Variants in DHRS7 observed in about 807,000 individuals in gnomAD.
DHRS7 encodes the protein dehydrogenase/reductase 7.
In DHRS7, 34 loss-of-function variants were observed where a neutral mutation model predicts 38.9. The observed-to-expected ratio is 0.87, with a 90% CI of 0.66 to 1.16. The LOEUF (loss-of-function observed/expected upper bound fraction) is 1.16. DHRS7 is among the 50% of genes most tolerant of loss of function. The probability of loss-of-function intolerance (pLI) is 0.00; values close to 1 mark genes in which losing one functional copy is unlikely to be tolerated. For synonymous variants in DHRS7, 158 were observed against 153.1 expected, an observed-to-expected ratio of 1.03 and a Z score of -0.24; for missense variants, 421 against 407.0, an observed-to-expected ratio of 1.03 and a Z score of -0.30.
In DHRS7 at chr14:60,153,541, T is replaced by C. The variant is rs1254042; in HGVS notation, c.394-363A>G. On this transcript the variant is annotated intron_variant, in intron 3 of 6. Transcript: ENST00000557185. This position sits in a 1 kb window ranked among gnomAD's most constrained non-coding sequence, Gnocchi z 4.4. ...GAAACCCCATCTCTACTAAAAAATATAAAAATTAGCTGGGCGTGATGGTGC... is the reference window on the plus strand; with the variant it reads ...GAAACCCCATCTCTACTAAAAAATACAAAAATTAGCTGGGCGTGATGGTGC... Among the ~76,000 whole-genome samples the C allele has an allele frequency of 0.27, 41,288 of 151,764 alleles. 7,638 individuals are homozygous for C. The highest frequency in any genetic ancestry group is 0.52 in the African/African-American group (21,453 of 41,320).
intron 1 of DHRS7, among the ~76,000 whole-genome samples, chr14:60,157,855 A>G (rs1031425487): frequency 2.0e-5 from 3 of 151,702 alleles, no homozygotes; most frequent in African/African-American, 7.2e-5. Context: ...ACACATTTAC[A>G]TATGATCAAT....
chr14:60,153,033 C>T lies in DHRS7; in HGVS notation c.539G>A (p.Arg180Lys). The change falls in exon 4 of 7, where the codon AGG becomes AAG. Residue 180 changes from arginine to lysine, a missense_variant. Arg to Lys is a conservative substitution (Grantham distance 26, BLOSUM62 2). Coordinates refer to ENST00000557185, the MANE Select transcript of DHRS7 (RefSeq NM_016029.4). The surrounding 1 kb of genome is among the most constrained non-coding windows in gnomAD (Gnocchi z 4.4). The part of the protein sequence containing the change: ...TKCVLPHMIE[R>K]KQGKIVTVNS... Reference sequence around the variant, plus strand: ...CACAGTAACAATCTTTCCTTGCTTCCTCTCGATCATGTGAGGCAGAACACA... The same window carrying T: ...CACAGTAACAATCTTTCCTTGCTTCTTCTCGATCATGTGAGGCAGAACACA... 1 of 1,614,142 alleles carries T rather than the reference C, an allele frequency of 6.2e-7. No homozygotes were observed. Among genetic ancestry groups the T allele is most frequent in the Non-Finnish European group, 8.5e-7 (1 of 1,180,028 alleles).
intron 1 of DHRS7, among the ~76,000 whole-genome samples, chr14:60,157,262 T>A (rs769157365): frequency 2.0e-5 from 3 of 152,028 alleles, no homozygotes; most frequent in Non-Finnish European, 2.9e-5. Flanking sequence ...GTGCCTTAAT[T>A]TTCCACAACT....
chr14:60,153,842 C>T lies in DHRS7; in HGVS notation c.393+117G>A, dbSNP rs1896600878. 6.3e-6 allele frequency: 5 copies of T among 788,066 alleles called. No individual in the cohort carries two copies. The highest frequency in any genetic ancestry group is 1.1e-5 in the Non-Finnish European group (5 of 469,860). 48.8% of individuals were successfully genotyped at this position (788,066 alleles called of 1,614,324 possible). A position where few individuals can be genotyped will look rare whatever the true frequency, so the allele number is the denominator to read the frequency against. On this transcript the variant is annotated intron_variant, in intron 3 of 6. Transcript: ENST00000557185. The surrounding 1 kb of genome is among the most constrained non-coding windows in gnomAD (Gnocchi z 4.4). ...GATTAAGGGGCCCAACTCATGGGCCCGATCTCACTGCATGGACCCCACTTG... is the reference window on the plus strand; with the variant it reads ...GATTAAGGGGCCCAACTCATGGGCCTGATCTCACTGCATGGACCCCACTTG...
intron 2 of DHRS7, among the ~76,000 whole-genome samples, chr14:60,154,607 A>C (rs975594113): frequency 1.3e-5 from 2 of 152,220 alleles, no homozygotes; most frequent in Non-Finnish European, 2.9e-5. Flanking sequence ...CTTTCTGTTC[A>C]TCAAAAGAAC....
rs1361960349 is a variant in DHRS7 at position 60,153,984 on chromosome 14, T to G, written c.368A>C (p.Lys123Thr). 5.6e-6 allele frequency: 9 copies of G among 1,614,072 alleles called. No individual in the cohort carries two copies. The highest frequency in any genetic ancestry group is 7.6e-6 in the Non-Finnish European group (9 of 1,179,960). ...TDTGSHEAATKAVLQEFGRID... is the reference protein window; with the variant it reads ...TDTGSHEAATTAVLQEFGRID... ...TCTACCAAACTCCTGGAGAACAGCT[T>G]TGGTAGCCGCTTCATGGGAACCAGT... Residue 123 changes from lysine (K) to threonine (T), a missense_variant, in exon 3 of 7, where the codon AAA becomes ACA. Lys to Thr is a moderately conservative substitution (Grantham distance 78). Coordinates refer to ENST00000557185, the MANE Select transcript of DHRS7 (RefSeq NM_016029.4). The surrounding 1 kb of genome is among the most constrained non-coding windows in gnomAD (Gnocchi z 4.4).
intron 1 of DHRS7, among the ~76,000 whole-genome samples, chr14:60,163,128 C>A (rs886956803): frequency 6.6e-6 from 1 of 151,666 alleles, no homozygotes; most frequent in African/African-American, 2.4e-5. Flanking sequence ...CAAGATCATA[C>A]CACTGCACTC....
At chr14:60,163,833 A>G (rs1323928571) in intron 1 of DHRS7, among the ~76,000 whole-genome samples, 3 of 152,220 alleles carry the variant, frequency 2.0e-5, no homozygotes, top group African/African-American at 4.8e-5. Context: ...AGTGAACACA[A>G]AAGCACTAAA....
rs1896352019 is a variant in DHRS7, at chr14:60,144,670, T to C, written c.*296A>G. ...TTACCAAATCTGTGGTATTTTGTTA[T>C]AGCAGCACAAATGGACTAAGACAAA... On this transcript the variant is annotated 3_prime_UTR_variant, in exon 7 of 7. Coordinates refer to ENST00000557185, the MANE Select transcript of DHRS7 (RefSeq NM_016029.4). The C allele has an allele frequency of 7.7e-6, 2 of 261,202 alleles. No individual in the cohort carries two copies. The highest frequency in any genetic ancestry group is 6.2e-5 in the South Asian group (1 of 16,018). 16.2% of individuals were successfully genotyped at this position (261,202 alleles called of 1,614,324 possible).
At position 60,146,830 on chromosome 14, in the gene DHRS7, C is replaced by T. The variant is rs1896418131; in HGVS notation, c.973-1817G>A. The T allele has an allele frequency of 6.6e-6, 1 of 152,080 alleles. No individual in the cohort carries two copies. The highest frequency in any genetic ancestry group is 2.1e-4 in the South Asian group (1 of 4,824). 9.4% of individuals were successfully genotyped at this position (152,080 alleles called of 1,614,324 possible). The stretch of plus-strand genomic sequence containing the variant: ...TAAGCAAGATACAGAAAAACAAGTA[C>T]TATGTGATTTCACTTCTGTGGAATC... On this transcript the variant is annotated intron_variant, in intron 6 of 6. Transcript: ENST00000557185. This position sits in a 1 kb window ranked among gnomAD's most constrained non-coding sequence, Gnocchi z 4.9.
In DHRS7 at chr14:60,165,209, A is replaced by AGC. The variant is rs1896843763; in HGVS notation, c.99_100dup (p.Leu34ArgfsTer16). 6.2e-7 allele frequency: 1 copy of AGC among 1,612,750 alleles called. No individual in the cohort carries two copies. Among genetic ancestry groups the AGC allele is most frequent in the Non-Finnish European group, 8.5e-7 (1 of 1,179,810 alleles). On this transcript the variant is annotated frameshift_variant, in exon 1 of 7. Transcript: ENST00000557185. LOFTEE classifies it high-confidence loss of function. This position sits in a 1 kb window ranked among gnomAD's most constrained non-coding sequence, Gnocchi z 4.6. ...TCGTCCCTGCCACTCGGCCCATAGT[A>AGC]GCGTCAGGTCGCCGTCAGCCCTCAG... is the stretch of plus-strand genomic sequence containing the variant.
At position 60,145,052 on chromosome 14, in the gene DHRS7, C is replaced by G. The variant is rs184172859; in HGVS notation, c.973-39G>C. 106 of 1,369,422 alleles carry G rather than the reference C, an allele frequency of 7.7e-5. No individual in the cohort carries two copies. In the East Asian group the frequency reaches 2.4e-3, roughly 31 times the overall value. 84.8% of individuals were successfully genotyped at this position (1,369,422 alleles called of 1,614,324 possible). ...ACAGAAACATGGATCAGTACCTACTCCTATTTACTCCAGTTTTTAACATTT... is the reference window on the plus strand; with the variant it reads ...ACAGAAACATGGATCAGTACCTACTGCTATTTACTCCAGTTTTTAACATTT... On this transcript the variant is annotated intron_variant, in intron 6 of 6. Transcript: ENST00000557185. This position sits in a 1 kb window ranked among gnomAD's most constrained non-coding sequence, Gnocchi z 4.0.
At chr14:60,160,870 C>T (rs1427113080) in intron 1 of DHRS7, among the ~76,000 whole-genome samples, 2 of 152,152 alleles carry the variant, frequency 1.3e-5, no homozygotes, top group Non-Finnish European at 2.9e-5. Context: ...GGATTACAGG[C>T]GTGAGCTACC....
chr14:60,155,484 C>A (rs894119249), intron 2 of DHRS7, among the ~76,000 whole-genome samples: 1 of 152,086 alleles, frequency 6.6e-6, no homozygotes, highest in African/African-American at 2.4e-5. Context: ...CACCAAAATT[C>A]AAACAAAAAT....
At chr14:60,167,853 C>T (rs1896887003), upstream of DHRS7, among the ~76,000 whole-genome samples, 1 of 152,180 alleles carries the variant, frequency 6.6e-6, no homozygotes, top group Non-Finnish European at 1.5e-5. Context: ...GCCAGGGTGT[C>T]ATCAGAGTGC....
chr14:60,148,739 G>GT lies in DHRS7; in HGVS notation c.972+613dup. Among the ~76,000 whole-genome samples, 3 of 152,206 alleles carry GT rather than the reference G, an allele frequency of 2.0e-5. No individual in the cohort carries two copies. The Middle Eastern group carries it at 0.01, about 518-fold the overall frequency. On this transcript the variant is annotated intron_variant, in intron 6 of 6. Transcript: ENST00000557185. The surrounding 1 kb of genome is among the most constrained non-coding windows in gnomAD (Gnocchi z 4.8). ...GGAGGTGACATGGGAGTTGAGACTGGTAGGATGGGTAGGAGTTGGTGGGGA... is the reference window on the plus strand; with the variant it reads ...GGAGGTGACATGGGAGTTGAGACTGGTTAGGATGGGTAGGAGTTGGTGGGGA...
At chr14:60,156,195 A>G in intron 1 of DHRS7, 43 bp from the exon 2 acceptor site, 3 of 1,444,964 alleles carry the variant, frequency 2.1e-6, no homozygotes, top group Middle Eastern at 1.8e-4. Context: ...TAAGCAATGA[A>G]TTACGCTCAT....
At chr14:60,167,534 G>GCAGCTAAGGCCCATTCAGGT (rs1896883226), upstream of DHRS7, among the ~76,000 whole-genome samples, 2 of 152,190 alleles carry the variant, frequency 1.3e-5, no homozygotes, top group Non-Finnish European at 2.9e-5. Context: ...CCCATTCATG[G>GCAGCTAAGGCCCATTCAGGT]CAGCTAAGGC....
chr14:60,151,589 C>T (rs182206275), intron 4 of DHRS7, among the ~76,000 whole-genome samples: 1 of 151,740 alleles, frequency 6.6e-6, no homozygotes, highest in Admixed American at 6.6e-5. Context: ...TAACTTTAAC[C>T]TTCTGCCTCT....
Sources: gnomAD v4.1 joint callset for allele counts (sites outside exome capture counted in the v4.1 genomes callset) on GRCh38, gnomAD v4.1.1 for gene constraint, Gnocchi (gnomAD v3.1) non-coding constraint, MANE v1.5 for transcripts, NCBI Gene and HGNC (gene_info 2026-07-23, HGNC 2026-07-21) for gene names.